PCDHA4: variants seen among roughly 807,000 people sequenced by gnomAD.
PCDHA4 encodes the protein protocadherin alpha 4, also known as protocadherin alpha-4.
PCDHA4 carries 49 observed loss-of-function variants against 61.4 expected under a neutral mutation model. The ratio of observed to expected loss-of-function variants is 0.80; its 90% CI spans 0.63 to 1.01. PCDHA4 has a LOEUF of 1.01. Among genes scored for constraint, PCDHA4 ranks in the 50% least tolerant of loss-of-function variants. PCDHA4 has a pLI of 0.00. For synonymous variants in PCDHA4, 590 were observed against 550.3 expected (o/e 1.07, Z -1.01); for missense variants, 1,254 against 1,235.8 (o/e 1.01, Z -0.22).
At chr5:140,977,107 T>C (rs1419522797) in intron 1 of PCDHA4, among the ~76,000 whole-genome samples, 2 of 152,166 alleles carry the variant, frequency 1.3e-5, no homozygotes, top group Non-Finnish European at 2.9e-5. Flanking sequence ...GGAAGTGAGA[T>C]TGTATAATGA....
At position 140,853,168 on chromosome 5, in the gene PCDHA4, C is replaced by T. The variant is rs2150529261; in HGVS notation, c.2385+43596C>T. 37 of 960,760 alleles carry T rather than the reference C, an allele frequency of 3.9e-5. 1 individual carries two copies. Among genetic ancestry groups the T allele is most frequent in the Admixed American group, 1.3e-4 (2 of 15,838 alleles). 59.5% of individuals were successfully genotyped at this position (960,760 alleles called of 1,614,324 possible). On this transcript the variant is annotated intron_variant, in intron 1 of 3. Transcript: ENST00000530339. ...TGCTGGGATTACAGGCGTGAGCCAC[C>T]GCGCCTGGCCTAAAATGTGTTCTTT... is the stretch of plus-strand genomic sequence containing the variant.
rs2150368778 is a variant in PCDHA4 at position 140,844,097 on chromosome 5, C to T, written c.2385+34525C>T. ...CTTAGGCACTGAACTCTTAATCTTA[C>T]TCCATATGCTGTACTTTGAAATGCA... On this transcript the variant is annotated intron_variant, in intron 1 of 3. Coordinates refer to ENST00000530339, the MANE Select transcript of PCDHA4 (RefSeq NM_018907.4). 8.7e-5 allele frequency among the ~76,000 whole-genome samples: 13 copies of T among 149,676 alleles called. No individual in the cohort carries two copies. In the East Asian group the frequency reaches 1.9e-3, roughly 22 times the overall value.
At chr5:140,935,676 A>G (rs1168512325) in intron 1 of PCDHA4, among the ~76,000 whole-genome samples, 1 of 152,166 alleles carries the variant, frequency 6.6e-6, no homozygotes, top group Non-Finnish European at 1.5e-5. Context: ...TATGTGAAAT[A>G]TTTACATGGC....
chr5:140,952,101 A>G (rs1451958490), intron 1 of PCDHA4, among the ~76,000 whole-genome samples: 1 of 151,950 alleles, frequency 6.6e-6, no homozygotes, highest in African/African-American at 2.4e-5. Flanking sequence ...TCCAGGGCAC[A>G]CTCGTGTGAG....
chr5:140,871,158 C>G (rs2052764728), intron 1 of PCDHA4: 20 of 1,613,444 alleles, frequency 1.2e-5, no homozygotes, highest in Non-Finnish European at 1.6e-5. Flanking sequence ...TGGCGGGCGC[C>G]GCGAGCCCAG....
intron 1 of PCDHA4, chr5:140,862,517 T>C (rs962060354): frequency 3.9e-5 from 16 of 410,600 alleles, no homozygotes; most frequent in African/African-American, 2.9e-4. Flanking sequence ...GCTTTCATTG[T>C]TGGCCACAGC....
intron 1 of PCDHA4, chr5:140,875,247 A>G (rs1427742475): frequency 2.1e-6 from 2 of 962,258 alleles, no homozygotes; most frequent in Non-Finnish European, 2.9e-6. Context: ...TTACATAATC[A>G]GTCACATGAT....
chr5:140,867,553 A>G (rs782238802), intron 1 of PCDHA4: 1 of 152,158 alleles, frequency 6.6e-6, no homozygotes, highest in Non-Finnish European at 1.5e-5. Context: ...GCATACACAT[A>G]TGATAACTTT....
At chr5:140,928,641 G>A in intron 1 of PCDHA4, 1 of 1,614,196 alleles carries the variant, frequency 6.2e-7, no homozygotes, top group Non-Finnish European at 8.5e-7. Context: ...TCACAAAAGT[G>A]GTAGCAGAGG....
chr5:140,819,055 C>T (rs1766481614), intron 1 of PCDHA4, among the ~76,000 whole-genome samples: 1 of 152,162 alleles, frequency 6.6e-6, no homozygotes, highest in South Asian at 2.1e-4. Context: ...GTTATACCTT[C>T]CTCTGTGACT....
Position 141,009,639 on chromosome 5 carries a change from G to A in PCDHA4, c.2546G>A (p.Gly849Glu). The stretch of plus-strand genomic sequence containing the variant: ...TTTTGTCTTTCAGAACCAGAGGCAG[G>A]AGAAGTGTCCCCTCCAGTCGGTGCG... ...VSSATPEPEA[G>E]EVSPPVGAGV... The change falls in exon 4 of 4, where the codon GGA becomes GAA. Residue 849 changes from glycine to glutamate, a missense_variant. Transcript: ENST00000530339. The A allele has an allele frequency of 6.2e-7, 1 of 1,613,406 alleles. No individual in the cohort carries two copies. The highest frequency in any genetic ancestry group is 8.5e-7 in the Non-Finnish European group (1 of 1,179,594).
intron 1 of PCDHA4, chr5:140,822,494 A>G: frequency 6.2e-7 from 1 of 1,613,882 alleles, no homozygotes; most frequent in Non-Finnish European, 8.5e-7. Context: ...AACGCCCCAG[A>G]ATTTGATAAA....
intron 1 of PCDHA4, chr5:140,849,964 T>C: frequency 6.3e-7 from 1 of 1,597,810 alleles, no homozygotes; most frequent in African/African-American, 1.3e-5. Flanking sequence ...AACGCCCTGG[T>C]GTCCTACTCG....
chr5:140,999,332 T>TTATAA (rs1554256746), intron 3 of PCDHA4, among the ~76,000 whole-genome samples: 1 of 152,222 alleles, frequency 6.6e-6, no homozygotes, highest in Non-Finnish European at 1.5e-5. Flanking sequence ...TCTGTGTGAT[T>TTATAA]TATAAGCCTT....
intron 1 of PCDHA4, chr5:140,969,368 G>A: frequency 6.2e-7 from 1 of 1,608,874 alleles, no homozygotes; most frequent in Non-Finnish European, 8.5e-7. Flanking sequence ...ACAAACTCAT[G>A]CATTTGTTAC....
In PCDHA4 at chr5:140,858,867, T is replaced by C. The variant is rs183298446; in HGVS notation, c.2385+49295T>C. 1.7e-4 allele frequency: 42 copies of C among 253,674 alleles called. No homozygotes were observed. In the East Asian group the frequency reaches 3.9e-3, roughly 24 times the overall value. 15.7% of individuals were successfully genotyped at this position (253,674 alleles called of 1,614,324 possible). ...CTGATCTATATCTCTTCAGTGAAAATGTGTTTTCCTCCATGTGTAGAATAT... is the reference window on the plus strand; with the variant it reads ...CTGATCTATATCTCTTCAGTGAAAACGTGTTTTCCTCCATGTGTAGAATAT... On this transcript the variant is annotated intron_variant, in intron 1 of 3. Coordinates refer to ENST00000530339, the MANE Select transcript of PCDHA4 (RefSeq NM_018907.4).
At chr5:140,860,434 C>A (rs1562553401) in intron 1 of PCDHA4, 1 of 152,038 alleles carries the variant, frequency 6.6e-6, no homozygotes, top group Non-Finnish European at 1.5e-5. Context: ...CAAATATGAT[C>A]TTTTTCATAT....
intron 1 of PCDHA4, among the ~76,000 whole-genome samples, chr5:140,939,244 A>AG: frequency 6.6e-6 from 1 of 152,270 alleles, no homozygotes; most frequent in Admixed American, 6.5e-5. Flanking sequence ...GGAGCAAGGT[A>AG]GCTCTCTGGA....
chr5:140,817,019 TGAGA>T (rs1392520193), intron 1 of PCDHA4: 18 of 152,026 alleles, frequency 1.2e-4, no homozygotes, highest in African/African-American at 4.1e-4. Context: ...CTTTCCCTCA[TGAGA>T]GAGAGAGTGC....
Sources: gnomAD v4.1 joint callset for allele counts (sites outside exome capture counted in the v4.1 genomes callset) on GRCh38, gnomAD v4.1.1 for gene constraint, MANE v1.5 for transcripts, NCBI Gene and HGNC (gene_info 2026-07-23, HGNC 2026-07-21) for gene names.